PKD1L1: variants seen among roughly 807,000 people sequenced by gnomAD.
PKD1L1 encodes polycystin-1-like protein 1.
A neutral mutation model predicts 323.4 loss-of-function variants in PKD1L1; 236 were observed. That is an observed-to-expected ratio of 0.73 (90% CI 0.66 to 0.81). The LOEUF (loss-of-function observed/expected upper bound fraction) is 0.81, where lower values mean the gene tolerates loss of function less well. Among genes scored for constraint, PKD1L1 ranks in the 40% least tolerant of loss-of-function variants. The probability of loss-of-function intolerance (pLI) is 0.00; values close to 1 mark genes in which losing one functional copy is unlikely to be tolerated. For synonymous variants in PKD1L1, 1,344 were observed against 1,335.0 expected, an observed-to-expected ratio of 1.01 and a Z score of -0.15; for missense variants, 3,320 against 3,508.0, an observed-to-expected ratio of 0.95 and a Z score of 1.35.
intron 26 of PKD1L1, among the ~76,000 whole-genome samples, chr7:47,862,771 T>A (rs1408357536): frequency 6.6e-6 from 1 of 151,754 alleles, no homozygotes; most frequent in African/African-American, 2.4e-5. Context: ...CCCTGGAGGA[T>A]GGTTAGGAAG....
chr7:47,954,662 C>G, the PKD1L1 span, among the ~76,000 whole-genome samples: 1 of 152,228 alleles, frequency 6.6e-6, no homozygotes, highest in Non-Finnish European at 1.5e-5. Flanking sequence ...CCACACAACA[C>G]AGACTAAGAC....
chr7:47,924,113 G>C (rs1346462308), intron 7 of PKD1L1, among the ~76,000 whole-genome samples: 2 of 152,152 alleles, frequency 1.3e-5, no homozygotes, highest in African/African-American at 4.8e-5. Context: ...AGCAGGAGTT[G>C]CAACAAAGAA....
intron 31 of PKD1L1, among the ~76,000 whole-genome samples, chr7:47,850,909 T>C (rs898674339): frequency 1.3e-5 from 2 of 152,180 alleles, no homozygotes; most frequent in East Asian, 1.9e-4. Flanking sequence ...TGGTGTATAC[T>C]GTAGGATAGA....
chr7:47,796,532 G>A (rs1289435343), intron 54 of PKD1L1, among the ~76,000 whole-genome samples: 1 of 152,150 alleles, frequency 6.6e-6, no homozygotes, highest in African/African-American at 2.4e-5. Flanking sequence ...GCCTGTGCCT[G>A]GGAGACCAGA....
intron 19 of PKD1L1, among the ~76,000 whole-genome samples, chr7:47,883,689 C>T (rs1346307350): frequency 1.3e-5 from 2 of 152,186 alleles, no homozygotes; most frequent in Admixed American, 1.3e-4. Context: ...CTGGAGAAGC[C>T]GTGCAGTTGG....
intron 56 of PKD1L1, among the ~76,000 whole-genome samples, chr7:47,790,551 T>C (rs12666913): frequency 0.071 from 10,771 of 151,872 alleles, 504 homozygotes; most frequent in East Asian, 0.19. Context: ...CAGGATGGTC[T>C]TGATCTCCTG....
intron 45 of PKD1L1, among the ~76,000 whole-genome samples, chr7:47,824,471 T>C (rs568817723): frequency 6.6e-6 from 1 of 152,338 alleles, no homozygotes; most frequent in African/African-American, 2.4e-5. Flanking sequence ...AACAATATGA[T>C]TGGTGAAAAC....
chr7:47,859,513 C>G (rs1338649648), intron 26 of PKD1L1, among the ~76,000 whole-genome samples: 1 of 151,938 alleles, frequency 6.6e-6, no homozygotes, highest in Non-Finnish European at 1.5e-5. Flanking sequence ...GGGTCTCACT[C>G]TGTCACCCAG....
Position 47,940,276 on chromosome 7 carries a change from A to G in PKD1L1, c.202T>C (p.Cys68Arg), listed in dbSNP as rs766098572. 39 of 1,613,958 alleles carry G rather than the reference A, an allele frequency of 2.4e-5. No homozygotes were observed. The highest frequency in any genetic ancestry group is 3.1e-5 in the Non-Finnish European group (37 of 1,179,932). ...TTCAGAGCACACCAAGGACAGCCAC[A>G]CTTCCCATCACTCATAAGAAGCACA... is the stretch of plus-strand genomic sequence containing the variant. Reference protein sequence around the residue: ...NHVLLMSDGKCGCPWCALNGK... With the variant: ...NHVLLMSDGKRGCPWCALNGK... The change falls in exon 3 of 57, where the codon TGT becomes CGT. Residue 68 changes from cysteine (C) to arginine (R), a missense_variant. Physicochemically the swap from Cys to Arg is radical, Grantham distance 180. Coordinates refer to ENST00000289672, the MANE Select transcript of PKD1L1 (RefSeq NM_138295.5).
intron 25 of PKD1L1, among the ~76,000 whole-genome samples, chr7:47,865,679 G>A (rs562486054): frequency 5.3e-4 from 80 of 151,756 alleles, no homozygotes; most frequent in Non-Finnish European, 8.7e-4. Context: ...TCTGCCTCCC[G>A]GGTTCATGCC....
chr7:47,800,871 C>T lies in PKD1L1; in HGVS notation c.7971G>A (p.Gly2657=). ...GGGAGAGGGCGGCCAGCATCAGTGC[C>T]CCCACCAGCTGCAGAAAGAAAATCC... ...LPSIFVAGLV[G]ALMLAALSHL... The change falls in exon 54 of 57, where the codon GGG becomes GGA. Residue 2657 remains glycine (G), a synonymous_variant. Transcript: ENST00000289672. 1 of 1,613,770 alleles carries T rather than the reference C, an allele frequency of 6.2e-7. No homozygotes were observed. The highest frequency in any genetic ancestry group is 8.5e-7 in the Non-Finnish European group (1 of 1,179,814).
intron 13 of PKD1L1, among the ~76,000 whole-genome samples, chr7:47,899,957 A>C (rs1411309016): frequency 6.7e-6 from 1 of 149,378 alleles, no homozygotes; most frequent in African/African-American, 2.4e-5. Context: ...CTCCATCCCA[A>C]AAAAAAAAAA....
intron 26 of PKD1L1, among the ~76,000 whole-genome samples, chr7:47,863,873 C>T (rs1267713992): frequency 6.6e-6 from 1 of 152,076 alleles, no homozygotes; most frequent in Non-Finnish European, 1.5e-5. Context: ...AACACACACA[C>T]AAACAAGAGG....
intron 8 of PKD1L1, among the ~76,000 whole-genome samples, chr7:47,914,604 G>C (rs1278630796): frequency 1.3e-5 from 2 of 152,172 alleles, no homozygotes. Context: ...TTCCTACTCA[G>C]GACAGAGGGC....
intron 8 of PKD1L1, among the ~76,000 whole-genome samples, chr7:47,908,894 T>C (rs1265793047): frequency 6.6e-6 from 1 of 152,178 alleles, no homozygotes; most frequent in Admixed American, 6.5e-5. Context: ...GACCATGTCA[T>C]TTCCATGTGA....
intron 4 of PKD1L1, among the ~76,000 whole-genome samples, chr7:47,936,052 G>A (rs192113385): frequency 6.6e-6 from 1 of 152,196 alleles, no homozygotes; most frequent in Non-Finnish European, 1.5e-5. Context: ...TCCATTAGAA[G>A]GAGTAAAACC....
At chr7:47,815,765 A>T (rs1272035718) in intron 46 of PKD1L1, among the ~76,000 whole-genome samples, 1 of 152,230 alleles carries the variant, frequency 6.6e-6, no homozygotes, top group African/African-American at 2.4e-5. Context: ...GGGAAACAGA[A>T]AATCAATTCT....
chr7:47,803,023 T>C (rs536606000), intron 53 of PKD1L1, among the ~76,000 whole-genome samples, 187 bp downstream of exon 53: 1 of 152,258 alleles, frequency 6.6e-6, no homozygotes, highest in Non-Finnish European at 1.5e-5. Context: ...ATTGTTGTCA[T>C]GACCATAACT....
At chr7:47,902,537 G>A (rs749826971) in intron 12 of PKD1L1, 26 bp from the exon 13 acceptor site, 3 of 1,608,896 alleles carry the variant, frequency 1.9e-6, no homozygotes, top group East Asian at 4.5e-5. Flanking sequence ...GCACAGAAAT[G>A]AACAAATTTA....
Sources: gnomAD v4.1 joint callset for allele counts (sites outside exome capture counted in the v4.1 genomes callset) on GRCh38, gnomAD v4.1.1 for gene constraint, MANE v1.5 for transcripts, NCBI Gene and HGNC (gene_info 2026-07-23, HGNC 2026-07-21) for gene names.